Variants in TNR observed in about 807,000 individuals in gnomAD.
TNR encodes the protein tenascin R, also known as tenascin-R.
In TNR, 45 loss-of-function variants were observed where a neutral mutation model predicts 150.4. That is an observed-to-expected ratio of 0.30 (90% CI 0.24 to 0.38). The LOEUF is 0.38. TNR is among the 10% of genes least tolerant of loss of function. TNR has a pLI of 1.00. For synonymous variants in TNR, 687 were observed against 678.4 expected (o/e 1.01, Z -0.20); for missense variants, 1,544 against 1,759.1 (o/e 0.88, Z 2.19).
chr1:175,657,853 G>GTATATATATATA lies in TNR; in HGVS notation c.-165+85361_-165+85372dup, dbSNP rs59315046. Among the ~76,000 whole-genome samples the GTATATATATATA allele has an allele frequency of 4.2e-3, 296 of 70,428 alleles. 9 individuals carry two copies. The highest frequency in any genetic ancestry group is 0.012 in the African/African-American group (207 of 16,950). The allele number at this position is 70,428 out of a possible 152,430, so 46.2% of individuals were successfully genotyped here. On this transcript the variant is annotated intron_variant, in intron 1 of 22. Coordinates refer to ENST00000367674, the MANE Select transcript of TNR (RefSeq NM_003285.3). Reference sequence around the variant, plus strand: ...GGTGCAGCACACCAACATGGAACATGTATATATATATATATATATATATAT... The same window carrying GTATATATATATA: ...GGTGCAGCACACCAACATGGAACATGTATATATATATATATATATATATATATATATATATAT...
chr1:175,456,253 C>T (rs1028782572), intron 2 of TNR, among the ~76,000 whole-genome samples: 7 of 152,184 alleles, frequency 4.6e-5, no homozygotes, highest in African/African-American at 7.2e-5. Context: ...CTCAAGTCTT[C>T]ACTCAATGTT....
intron 15 of TNR, among the ~76,000 whole-genome samples, chr1:175,358,493 C>T (rs1385894647): frequency 6.6e-6 from 1 of 152,096 alleles, no homozygotes; most frequent in Admixed American, 6.5e-5. Flanking sequence ...TAGTTTTTAC[C>T]TTCCTAAGCT....
chr1:175,352,533 G>A (rs919680796), intron 18 of TNR, among the ~76,000 whole-genome samples: 17 of 152,120 alleles, frequency 1.1e-4, no homozygotes, highest in African/African-American at 3.9e-4. Flanking sequence ...GTGCAGGGAA[G>A]GGCTTAACAA....
At chr1:175,456,760 T>G (rs1183649324) in intron 2 of TNR, among the ~76,000 whole-genome samples, 1 of 152,228 alleles carries the variant, frequency 6.6e-6, no homozygotes, top group Admixed American at 6.5e-5. Flanking sequence ...TAAATTATTA[T>G]AGCTAGAAGA....
intron 5 of TNR, among the ~76,000 whole-genome samples, chr1:175,395,751 A>G (rs1202989366): frequency 6.6e-6 from 1 of 152,200 alleles, no homozygotes; most frequent in Non-Finnish European, 1.5e-5. Context: ...GAAAAATATA[A>G]TAATTATTTC....
chr1:175,667,711 C>G (rs1025887997), intron 1 of TNR, among the ~76,000 whole-genome samples: 4 of 152,248 alleles, frequency 2.6e-5, no homozygotes, highest in African/African-American at 7.2e-5. Flanking sequence ...GCAGATCCTG[C>G]TTCTTGGCAT....
At chr1:175,459,420 C>T (rs1252360949) in intron 2 of TNR, among the ~76,000 whole-genome samples, 3 of 152,220 alleles carry the variant, frequency 2.0e-5, no homozygotes, top group Non-Finnish European at 4.4e-5. Context: ...TTAAGGCTCA[C>T]ACCAGTGCAA....
intron 1 of TNR, among the ~76,000 whole-genome samples, chr1:175,585,792 T>C (rs1486047981): frequency 2.0e-5 from 3 of 152,116 alleles, no homozygotes; most frequent in African/African-American, 7.2e-5. Flanking sequence ...TCTCCCTCTC[T>C]CCCTTCTTTC....
At chr1:175,334,409 A>G (rs886646834) in intron 20 of TNR, among the ~76,000 whole-genome samples, 2 of 152,234 alleles carry the variant, frequency 1.3e-5, no homozygotes, top group Non-Finnish European at 2.9e-5. Context: ...AGAGATTAGG[A>G]TTACGGAGGG....
intron 2 of TNR, among the ~76,000 whole-genome samples, chr1:175,446,174 A>T (rs920104581): frequency 2.0e-5 from 3 of 152,210 alleles, no homozygotes; most frequent in African/African-American, 7.2e-5. Flanking sequence ...CATTGCACAT[A>T]TGTTGACACA....
chr1:175,740,867 C>T (rs1028671016), intron 1 of TNR, among the ~76,000 whole-genome samples: 1 of 152,160 alleles, frequency 6.6e-6, no homozygotes, highest in African/African-American at 2.4e-5. Context: ...AAAGCCAAGA[C>T]ATCCATGGCA....
chr1:175,367,155 C>G, intron 10 of TNR, 53 bp downstream of exon 10: 1 of 1,549,720 alleles, frequency 6.5e-7, no homozygotes, highest in Middle Eastern at 1.9e-4. Flanking sequence ...CTCCATGACT[C>G]CTTAGGCTTA....
At chr1:175,708,493 T>G (rs1666904109) in intron 1 of TNR, among the ~76,000 whole-genome samples, 1 of 152,196 alleles carries the variant, frequency 6.6e-6, no homozygotes, top group Non-Finnish European at 1.5e-5. Flanking sequence ...TCCTCGCACT[T>G]TATGATTTTC....
intron 1 of TNR, among the ~76,000 whole-genome samples, chr1:175,619,560 C>T (rs953807652): frequency 1.3e-5 from 2 of 152,178 alleles, no homozygotes; most frequent in Admixed American, 1.3e-4. Flanking sequence ...CCACAGCTCG[C>T]TTTGGACCTG....
Position 175,363,817 on chromosome 1 carries a change from G to A in TNR, c.2598C>T (p.Pro866=), listed in dbSNP as rs1257054777. The A allele has an allele frequency of 6.2e-7, 1 of 1,612,402 alleles. No homozygotes were observed. Among genetic ancestry groups the A allele is most frequent in the Non-Finnish European group, 8.5e-7 (1 of 1,179,164 alleles). Residue 866 remains proline, a synonymous_variant, in exon 13 of 23, where the codon CCC becomes CCT. Coordinates refer to ENST00000367674, the MANE Select transcript of TNR (RefSeq NM_003285.3). ...IVGSITTGID[P]PKDITISNVT... ...CATTGCTAATTGTGATGTCTTTTGG[G>A]GGATCAATTCCTACAAGGACCCAGT... is the stretch of plus-strand genomic sequence containing the variant.
At chr1:175,702,285 C>T (rs1269262228) in intron 1 of TNR, among the ~76,000 whole-genome samples, 2 of 152,138 alleles carry the variant, frequency 1.3e-5, no homozygotes, top group African/African-American at 2.4e-5. Flanking sequence ...TCAGCTCTGC[C>T]CCACCCACTG....
Position 175,386,149 on chromosome 1 carries a change from G to T in TNR, c.1660C>A (p.Pro554Thr). The change falls in exon 8 of 23, where the codon CCT (proline) becomes ACT (threonine). Residue 554 changes from proline to threonine, a missense_variant. Physicochemically the swap from Pro to Thr is conservative, Grantham distance 38 (BLOSUM62 -1). This residue lies in a region of TNR where 1,254 missense variants were observed against 1,329.4 expected (regional missense o/e 0.94). Coordinates refer to ENST00000367674, the MANE Select transcript of TNR (RefSeq NM_003285.3). ...EGGRTTFRLQPPLSQYSVQAL... is the reference protein window; with the variant it reads ...EGGRTTFRLQTPLSQYSVQAL... ...TGCACTGAGTATTGGCTCAGGGGAG[G>T]CTGCAGCCGGAAGGTGGTCCTCCCA... The T allele has an allele frequency of 1.2e-5, 20 of 1,613,044 alleles. No homozygotes were observed. Among genetic ancestry groups the T allele is most frequent in the Non-Finnish European group, 1.6e-5 (19 of 1,179,160 alleles).
At chr1:175,571,534 C>T (rs1486389749) in intron 1 of TNR, among the ~76,000 whole-genome samples, 7 of 152,222 alleles carry the variant, frequency 4.6e-5, no homozygotes, top group Admixed American at 4.6e-4. Flanking sequence ...TACTGCTAAC[C>T]TGTATGCTAA....
chr1:175,535,466 T>A (rs1660240236), intron 1 of TNR, among the ~76,000 whole-genome samples: 2 of 152,050 alleles, frequency 1.3e-5, no homozygotes, highest in African/African-American at 4.8e-5. Context: ...GTTGTTGTTG[T>A]TGTTGTTGTT....
Sources: allele counts gnomAD v4.1 joint callset (sites outside exome capture counted in the v4.1 genomes callset), GRCh38; gene constraint gnomAD v4.1.1; regional missense constraint gnomAD v4.1.1; transcripts MANE v1.5; gene names NCBI Gene and HGNC (gene_info 2026-07-23, HGNC 2026-07-21).